The following EPB41L2 variants were observed in gnomAD, a reference collection of about 807,000 sequenced individuals.
The protein encoded by EPB41L2 is band 4.1-like protein 2.
Under a neutral mutation model 113.0 loss-of-function variants are expected in EPB41L2, and 43 were observed. That is an observed-to-expected ratio of 0.38 (90% CI 0.30 to 0.49). The LOEUF is 0.49. Among genes scored for constraint, EPB41L2 ranks in the 20% least tolerant of loss-of-function variants. The pLI is 0.95. For synonymous variants in EPB41L2, 442 were observed against 436.7 expected, an observed-to-expected ratio of 1.01 and a Z score of -0.15; for missense variants, 1,147 against 1,223.4, an observed-to-expected ratio of 0.94 and a Z score of 0.93.
At chr6:130,908,931 C>T (rs970072014) in intron 4 of EPB41L2, 68 bp from the exon 5 acceptor site, 40 of 1,246,570 alleles carry the variant, frequency 3.2e-5, no homozygotes, top group Non-Finnish European at 4.4e-5. Context: ...GTTTACAGTT[C>T]ACATAATTAT....
intron 1 of EPB41L2, among the ~76,000 whole-genome samples, chr6:131,010,634 A>G (rs907681119): frequency 6.6e-6 from 1 of 151,978 alleles, no homozygotes; most frequent in African/African-American, 2.4e-5. Flanking sequence ...GCTGGTCTCG[A>G]ACTCCTGACC....
chr6:130,948,915 T>G (rs1813867627), intron 3 of EPB41L2, among the ~76,000 whole-genome samples: 1 of 152,156 alleles, frequency 6.6e-6, no homozygotes, highest in Non-Finnish European at 1.5e-5. Flanking sequence ...CAAGAGAAAT[T>G]ATCAAATCAA....
chr6:130,956,878 G>A (rs1180714676), intron 1 of EPB41L2, among the ~76,000 whole-genome samples: 1 of 152,004 alleles, frequency 6.6e-6, no homozygotes, highest in African/African-American at 2.4e-5. Flanking sequence ...ATCTGTACTT[G>A]GTATTCTTTA....
Position 130,956,311 on chromosome 6 carries a change from G to A in EPB41L2, c.175C>T (p.Leu59=). The A allele has an allele frequency of 1.2e-6, 2 of 1,614,114 alleles. No individual in the cohort carries two copies. The highest frequency in any genetic ancestry group is 4.5e-5 in the East Asian group (2 of 44,882). Residue 59 remains leucine, a synonymous_variant, in exon 2 of 20, where the codon CTA becomes TTA. Transcript: ENST00000337057. ...PPPAAESQSS[L]RRQKREKETS... The stretch of plus-strand genomic sequence containing the variant: ...TCCTTCTCTCTCTTCTGGCGGCGTA[G>A]ACTACTTTGGCTTTCAGCTGCAGGA...
rs112676015 is a variant in EPB41L2, at chr6:130,890,490, AAGAG to A, written c.1488-28_1488-25del. 24 of 1,508,552 alleles carry A rather than the reference AAGAG, an allele frequency of 1.6e-5. No individual in the cohort carries two copies. In the African/African-American group the frequency reaches 1.8e-4, roughly 11 times the overall value. The allele number at this position is 1,508,552 out of a possible 1,614,324, so 93.4% of individuals were successfully genotyped here. The stretch of plus-strand genomic sequence containing the variant: ...GCCTATGGGAGGAAAAAAAAAAAAA[AAGAG>A]AGAGAGAAAGGGGAAGCAAAATTAG... On this transcript the variant is annotated intron_variant, in intron 10 of 19. Transcript: ENST00000337057.
At chr6:131,022,102 A>G (rs1437749721) in intron 1 of EPB41L2, among the ~76,000 whole-genome samples, 2 of 152,190 alleles carry the variant, frequency 1.3e-5, no homozygotes, top group Non-Finnish European at 2.9e-5. Context: ...ACAACTAGGC[A>G]GTCCCATCAC....
At chr6:130,971,003 C>G (rs1020195968) in intron 1 of EPB41L2, among the ~76,000 whole-genome samples, 2 of 152,166 alleles carry the variant, frequency 1.3e-5, no homozygotes, top group Non-Finnish European at 2.9e-5. Context: ...CCTCCCACTC[C>G]CACCCCAGCC....
chr6:130,910,984 A>C (rs1437827669), intron 4 of EPB41L2, among the ~76,000 whole-genome samples: 1 of 152,246 alleles, frequency 6.6e-6, no homozygotes, highest in Admixed American at 6.5e-5. Flanking sequence ...TCAAGGCTCT[A>C]GAACTAGAAA....
intron 1 of EPB41L2, among the ~76,000 whole-genome samples, chr6:131,049,506 T>C (rs1345050126): frequency 6.6e-6 from 1 of 152,232 alleles, no homozygotes; most frequent in Non-Finnish European, 1.5e-5. Context: ...GTAGCTTTTC[T>C]ACCAGAGTGT....
chr6:130,988,553 G>A (rs188093214), intron 1 of EPB41L2, among the ~76,000 whole-genome samples: 24 of 152,176 alleles, frequency 1.6e-4, no homozygotes, highest in African/African-American at 4.6e-4. Context: ...GAGGGGTGGC[G>A]GGGGAGACTA....
chr6:131,055,114 G>A (rs550448279), intron 1 of EPB41L2, among the ~76,000 whole-genome samples: 1 of 152,342 alleles, frequency 6.6e-6, no homozygotes, highest in African/African-American at 2.4e-5. Context: ...CCTCCAACAA[G>A]TAGTTGCCTC....
At chr6:130,909,231 T>G (rs1002882511) in intron 4 of EPB41L2, among the ~76,000 whole-genome samples, 10 of 152,206 alleles carry the variant, frequency 6.6e-5, no homozygotes, top group African/African-American at 1.4e-4. Flanking sequence ...AGGACAATAA[T>G]GGATTCCTAG....
intron 1 of EPB41L2, among the ~76,000 whole-genome samples, chr6:131,002,927 T>C (rs1463510386): frequency 6.6e-6 from 1 of 152,212 alleles, no homozygotes. Context: ...TTATAAACTT[T>C]TCCCAGTAGA....
At chr6:130,850,826 A>C (rs756605741) in intron 19 of EPB41L2, among the ~76,000 whole-genome samples, 1 of 152,246 alleles carries the variant, frequency 6.6e-6, no homozygotes, top group South Asian at 2.1e-4. Context: ...GCATTAGAGC[A>C]GTGGTACCCA....
intron 3 of EPB41L2, among the ~76,000 whole-genome samples, chr6:130,948,562 G>A (rs191728206): frequency 3.9e-5 from 6 of 152,078 alleles, no homozygotes; most frequent in Admixed American, 2.6e-4. Flanking sequence ...AAATTAAATG[G>A]CAAAATAGAG....
chr6:130,958,600 T>C (rs1420292652), intron 1 of EPB41L2, among the ~76,000 whole-genome samples: 3 of 151,296 alleles, frequency 2.0e-5, no homozygotes, highest in South Asian at 2.1e-4. Context: ...TCAGACAAAA[T>C]AGCCAGAATG....
intron 11 of EPB41L2, among the ~76,000 whole-genome samples, chr6:130,888,128 C>T (rs753949063): frequency 3.3e-5 from 5 of 152,108 alleles, no homozygotes; most frequent in Non-Finnish European, 5.9e-5. Flanking sequence ...AAGACTACAA[C>T]AACAAATGGT....
At chr6:131,021,390 C>A (rs1168037796) in intron 1 of EPB41L2, among the ~76,000 whole-genome samples, 1 of 151,894 alleles carries the variant, frequency 6.6e-6, no homozygotes, top group African/African-American at 2.4e-5. Flanking sequence ...CCAGTTGATA[C>A]AAAACAAAAA....
In EPB41L2 at chr6:130,972,463, AG is replaced by A. The variant is rs764744299; in HGVS notation, c.-14-15965del. ...AGAAAATGTGTCAATTCTAAGATTC[AG>A]CTCAGCACAATCTGAGAAATAACTA... On this transcript the variant is annotated intron_variant, in intron 1 of 19. Coordinates refer to ENST00000337057, the MANE Select transcript of EPB41L2 (RefSeq NM_001431.4). Among the ~76,000 whole-genome samples, 1,722 of 152,274 alleles carry A rather than the reference AG, an allele frequency of 0.011. 169 individuals are homozygous for A. In the East Asian group the frequency reaches 0.26, roughly 23 times the overall value.
Sources: allele counts gnomAD v4.1 joint callset (sites outside exome capture counted in the v4.1 genomes callset), GRCh38; gene constraint gnomAD v4.1.1; transcripts MANE v1.5; gene names NCBI Gene and HGNC (gene_info 2026-07-23, HGNC 2026-07-21).